Variants in OLFM3 observed in about 807,000 individuals in gnomAD.
OLFM3 encodes olfactomedin 3, also known as noelin-3.
Under a neutral mutation model 48.6 loss-of-function variants are expected in OLFM3, and 20 were observed. The ratio of observed to expected loss-of-function variants is 0.41; its 90% CI spans 0.29 to 0.60. The LOEUF (loss-of-function observed/expected upper bound fraction) is 0.60, where lower values mean the gene tolerates loss of function less well. Ranked by LOEUF, OLFM3 falls within the 20% of genes least tolerant of loss-of-function variation. The pLI, the probability that OLFM3 is intolerant of heterozygous loss-of-function variation, is 0.28. For missense variants in OLFM3, 437 were observed against 544.3 expected, an observed-to-expected ratio of 0.80 and a Z score of 1.96; for synonymous variants, 222 against 198.1, an observed-to-expected ratio of 1.12 and a Z score of -1.01.
chr1:101,954,485 A>G (rs745946493), intron 1 of OLFM3, among the ~76,000 whole-genome samples: 2 of 152,050 alleles, frequency 1.3e-5, no homozygotes, highest in Non-Finnish European at 2.9e-5. Flanking sequence ...CTTGTAATGA[A>G]CATGTACCCT....
chr1:101,846,281 C>G (rs184267266), intron 1 of OLFM3, among the ~76,000 whole-genome samples: 34 of 152,184 alleles, frequency 2.2e-4, no homozygotes, highest in African/African-American at 7.9e-4. Context: ...AGTAAGTTTT[C>G]TATTGCTCAT....
intron 4 of OLFM3, among the ~76,000 whole-genome samples, chr1:101,820,662 G>A (rs1654568744): frequency 6.6e-6 from 1 of 151,942 alleles, no homozygotes. Flanking sequence ...GTGCCCCAGT[G>A]GTCTTGATGA....
At chr1:101,923,194 T>C (rs1167252757) in intron 1 of OLFM3, among the ~76,000 whole-genome samples, 3 of 152,246 alleles carry the variant, frequency 2.0e-5, no homozygotes, top group African/African-American at 4.8e-5. Context: ...GATTTTAACC[T>C]GATTGCCCCA....
intron 4 of OLFM3, among the ~76,000 whole-genome samples, chr1:101,807,268 G>A (rs72729633): frequency 6.6e-6 from 1 of 151,858 alleles, no homozygotes; most frequent in Non-Finnish European, 1.5e-5. Flanking sequence ...CATACACATT[G>A]TGAAAGGCAA....
intron 1 of OLFM3, among the ~76,000 whole-genome samples, chr1:101,935,381 C>T (rs1659580856): frequency 1.3e-5 from 2 of 150,966 alleles, no homozygotes; most frequent in African/African-American, 4.9e-5. Context: ...CTAGAAGCAA[C>T]AGATAAATTT....
chr1:101,867,240 C>T (rs932740612), intron 1 of OLFM3, among the ~76,000 whole-genome samples: 3 of 152,194 alleles, frequency 2.0e-5, no homozygotes, highest in African/African-American at 4.8e-5. Context: ...ATTTACTTAT[C>T]AAATCTGGAG....
intron 4 of OLFM3, 63 bp downstream of exon 4, chr1:101,824,963 A>G (rs1364399932): frequency 1.4e-6 from 2 of 1,395,796 alleles, no homozygotes; most frequent in African/African-American, 1.4e-5. Context: ...AAAACGTAAG[A>G]GCACAATTTT....
chr1:101,828,009 G>GCTCTCT (rs71655097), intron 3 of OLFM3, among the ~76,000 whole-genome samples: 3 of 135,972 alleles, frequency 2.2e-5, no homozygotes, highest in African/African-American at 2.8e-5. Flanking sequence ...CTGCATTCAT[G>GCTCTCT]CTCTCTCTCT....
At chr1:101,945,562 T>G (rs1659937728) in intron 1 of OLFM3, among the ~76,000 whole-genome samples, 1 of 152,174 alleles carries the variant, frequency 6.6e-6, no homozygotes, top group Admixed American at 6.6e-5. Context: ...ATAGATTTTT[T>G]TTTTATATTG....
At chr1:101,979,342 T>C (rs1279875357) in intron 1 of OLFM3, among the ~76,000 whole-genome samples, 1 of 152,136 alleles carries the variant, frequency 6.6e-6, no homozygotes, top group African/African-American at 2.4e-5. Context: ...CCCACCTAAA[T>C]CTCACCTCGA....
At chr1:101,832,079 T>G (rs979384560) in intron 2 of OLFM3, among the ~76,000 whole-genome samples, 1 of 152,170 alleles carries the variant, frequency 6.6e-6, no homozygotes, top group Admixed American at 6.5e-5. Context: ...ATTTTCGTAT[T>G]TTTATTAGAG....
At position 101,981,642 on chromosome 1, in the gene OLFM3, T is replaced by G. The variant is rs191408884; in HGVS notation, c.69+15106A>C. On this transcript the variant is annotated intron_variant, in intron 1 of 5. Transcript: ENST00000370103. ...TCTACAATTCCACTTGGATGTCTCA[T>G]AAACATTTCAAACTTACTTACATGT... is the stretch of plus-strand genomic sequence containing the variant. Among the ~76,000 whole-genome samples, 15 of 152,354 alleles carry G rather than the reference T, an allele frequency of 9.8e-5. No homozygotes were observed. The East Asian group carries it at 2.9e-3, about 29-fold the overall frequency.
At chr1:101,920,601 A>G (rs571207265) in intron 1 of OLFM3, among the ~76,000 whole-genome samples, 3 of 152,322 alleles carry the variant, frequency 2.0e-5, no homozygotes, top group African/African-American at 7.2e-5. Context: ...TTAGTACCTG[A>G]TTCCAAAGGA....
At chr1:101,924,056 A>C (rs1659184859) in intron 1 of OLFM3, among the ~76,000 whole-genome samples, 1 of 152,212 alleles carries the variant, frequency 6.6e-6, no homozygotes, top group South Asian at 2.1e-4. Context: ...CCATTAGCTA[A>C]GAAAAAACAG....
chr1:101,910,692 T>C (rs1299468616), intron 1 of OLFM3, among the ~76,000 whole-genome samples: 1 of 152,224 alleles, frequency 6.6e-6, no homozygotes, highest in East Asian at 1.9e-4. Context: ...AGTACTTGCT[T>C]AGATTATAAC....
At chr1:101,848,524 A>G (rs1434547105) in intron 1 of OLFM3, among the ~76,000 whole-genome samples, 2 of 151,906 alleles carry the variant, frequency 1.3e-5, no homozygotes, top group Non-Finnish European at 2.9e-5. Context: ...TTTTTTCAAA[A>G]TATATCCAAA....
intron 1 of OLFM3, among the ~76,000 whole-genome samples, chr1:101,838,087 C>T (rs954343663): frequency 6.6e-6 from 1 of 152,082 alleles, no homozygotes; most frequent in Non-Finnish European, 1.5e-5. Flanking sequence ...CCACTGCAGC[C>T]TCCTGGGCTC....
Position 101,830,660 on chromosome 1 carries a change from A to G in OLFM3, c.372+12T>C. 1 of 1,614,110 alleles carries G rather than the reference A, an allele frequency of 6.2e-7. No individual in the cohort carries two copies. ...TGATTTGGATTGACAAGATTGCAGA[A>G]GTCAAACCTACCTGAAAATGCTTGG... On this transcript the variant is annotated intron_variant, in intron 3 of 5. Coordinates refer to ENST00000370103, the MANE Select transcript of OLFM3 (RefSeq NM_058170.4).
At chr1:101,866,298 T>A (rs1402297828) in intron 1 of OLFM3, among the ~76,000 whole-genome samples, 2 of 152,166 alleles carry the variant, frequency 1.3e-5, no homozygotes, top group African/African-American at 4.8e-5. Context: ...TATTTTTGAG[T>A]TGGTATTAAA....
Sources: gnomAD v4.1 joint callset for allele counts (sites outside exome capture counted in the v4.1 genomes callset) on GRCh38, gnomAD v4.1.1 for gene constraint, MANE v1.5 for transcripts, NCBI Gene and HGNC (gene_info 2026-07-23, HGNC 2026-07-21) for gene names.